The following ZCCHC10 variants were observed in gnomAD, a reference collection of about 807,000 sequenced individuals.
ZCCHC10 encodes the protein zinc finger CCHC-type containing 10.
In ZCCHC10, 16 loss-of-function variants were observed where a neutral mutation model predicts 19.5. That is an observed-to-expected ratio of 0.82 (90% CI 0.56 to 1.25). The LOEUF (loss-of-function observed/expected upper bound fraction) is 1.25, where lower values mean the gene tolerates loss of function less well. Ranked by LOEUF, ZCCHC10 falls within the 50% of genes most tolerant of loss-of-function variation. The pLI, the probability that ZCCHC10 is intolerant of heterozygous loss-of-function variation, is 0.00. For missense variants in ZCCHC10, 197 were observed against 201.0 expected, an observed-to-expected ratio of 0.98 and a Z score of 0.12; for synonymous variants, 67 against 72.5, an observed-to-expected ratio of 0.92 and a Z score of 0.38.
chr5:133,011,883 G>A (rs921734491), intron 2 of ZCCHC10, among the ~76,000 whole-genome samples: 9 of 151,576 alleles, frequency 5.9e-5, no homozygotes, highest in African/African-American at 9.7e-5. Context: ...TAATCCCAGC[G>A]CTCTGGGAGG....
At position 133,026,502 on chromosome 5, in the gene ZCCHC10, T is replaced by C. The variant is rs748584904; in HGVS notation, c.36A>G (p.Arg12=). The C allele has an allele frequency of 1.5e-5, 25 of 1,613,554 alleles. No individual in the cohort carries two copies. In the African/African-American group the frequency reaches 2.8e-4, roughly 18 times the overall value. Residue 12 remains arginine, a synonymous_variant, in exon 1 of 5, where the codon AGA becomes AGG. Coordinates refer to ENST00000509437, the MANE Select transcript of ZCCHC10 (RefSeq NM_001300816.3). ...ATPMHRLIAR[R]QAFDTELQPV... ...CGAACCGGATCCTTACTTACGCTTGTCTCCGGGCTATTAGCCGATGCATGG... is the reference window on the plus strand; with the variant it reads ...CGAACCGGATCCTTACTTACGCTTGCCTCCGGGCTATTAGCCGATGCATGG...
At chr5:133,014,956 T>G (rs1763820818) in intron 2 of ZCCHC10, among the ~76,000 whole-genome samples, 1 of 152,240 alleles carries the variant, frequency 6.6e-6, no homozygotes, top group South Asian at 2.1e-4. Flanking sequence ...ACAGAAGTGA[T>G]GCTGTGTACT....
chr5:133,014,544 T>C (rs1427902204), intron 2 of ZCCHC10, among the ~76,000 whole-genome samples: 1 of 152,238 alleles, frequency 6.6e-6, no homozygotes, highest in South Asian at 2.1e-4. Context: ...AGCACCACAG[T>C]TGCACTTGTC....
intron 2 of ZCCHC10, among the ~76,000 whole-genome samples, chr5:133,021,651 C>T (rs1461923791): frequency 2.0e-5 from 3 of 152,096 alleles, no homozygotes; most frequent in South Asian, 2.1e-4. Context: ...AGGACTAACA[C>T]GTGGATTCAA....
chr5:133,004,726 G>C lies in ZCCHC10; in HGVS notation c.269+2033C>G, dbSNP rs59669921. On this transcript the variant is annotated intron_variant, in intron 3 of 4. Coordinates refer to ENST00000509437, the MANE Select transcript of ZCCHC10 (RefSeq NM_001300816.3). ...AGGAAGATCTCCATCTCCTGACCTC[G>C]TGATCTGCCTGCCTCGGCCTCCCAA... Among the ~76,000 whole-genome samples the C allele has an allele frequency of 7.3e-4, 110 of 151,080 alleles. No individual in the cohort carries two copies. The East Asian group carries it at 0.017, about 24-fold the overall frequency.
intron 2 of ZCCHC10, among the ~76,000 whole-genome samples, chr5:133,017,058 G>A (rs956880677): frequency 3.3e-5 from 5 of 152,138 alleles, no homozygotes; most frequent in African/African-American, 9.7e-5. Flanking sequence ...AAACTGCCTC[G>A]TGTGGATATT....
chr5:133,012,833 A>C (rs964045791), intron 2 of ZCCHC10, among the ~76,000 whole-genome samples: 2 of 151,972 alleles, frequency 1.3e-5, no homozygotes, highest in African/African-American at 2.4e-5. Flanking sequence ...GGCGGATTAC[A>C]AGGTCAGGAG....
intron 4 of ZCCHC10, 22 bp from the exon 5 acceptor site, chr5:132,998,872 T>C (rs1762589749): frequency 6.2e-7 from 1 of 1,601,100 alleles, no homozygotes; most frequent in Admixed American, 1.7e-5. Flanking sequence ...TACAGAGTTA[T>C]ATACATGGGA....
chr5:133,005,978 CTTT>C (rs760600232), intron 3 of ZCCHC10, among the ~76,000 whole-genome samples: 4,899 of 97,552 alleles, frequency 0.05, 113 homozygotes, highest in African/African-American at 0.2. Flanking sequence ...GAAGATGCTG[CTTT>C]TTTTTTTTTT....
In ZCCHC10 at chr5:132,997,800, A is replaced by C. The variant is rs999753097; in HGVS notation, c.*783T>G. On this transcript the variant is annotated 3_prime_UTR_variant, in exon 5 of 5. Transcript: ENST00000509437. ...TTTTATTGCATGTTAATACACAAAG[A>C]TATTTCTAGCACTTCTATTTAAGTT... 8.5e-5 allele frequency: 13 copies of C among 152,140 alleles called. No homozygotes were observed. The highest frequency in any genetic ancestry group is 2.1e-4 in the South Asian group (1 of 4,826). The allele number at this position is 152,140 out of a possible 1,614,324, so 9.4% of individuals were successfully genotyped here.
intron 3 of ZCCHC10, among the ~76,000 whole-genome samples, chr5:133,002,311 A>G (rs1461647280): frequency 4.6e-5 from 7 of 152,030 alleles, no homozygotes; most frequent in Non-Finnish European, 8.8e-5. Context: ...ATATTTTTAG[A>G]CCAAAATACT....
intron 1 of ZCCHC10, 72 bp from the exon 2 acceptor site, chr5:133,022,978 G>A: frequency 2.3e-6 from 1 of 439,122 alleles, no homozygotes; most frequent in Non-Finnish European, 4.1e-6. Context: ...TACAAGGCAG[G>A]GGAGGTCTGA....
intron 2 of ZCCHC10, among the ~76,000 whole-genome samples, chr5:133,012,295 C>T (rs1259970750): frequency 5.3e-5 from 8 of 150,560 alleles, no homozygotes; most frequent in African/African-American, 2.0e-4. Flanking sequence ...CAGTGAAACC[C>T]CATCTTTACT....
At chr5:133,001,953 C>CAT (rs759455367) in intron 3 of ZCCHC10, among the ~76,000 whole-genome samples, 40 of 77,876 alleles carry the variant, frequency 5.1e-4, no homozygotes, top group Admixed American at 1.4e-3. Flanking sequence ...ATTCAGCAAT[C>CAT]TTTTTTTTTT....
intron 3 of ZCCHC10, among the ~76,000 whole-genome samples, chr5:133,004,280 T>C (rs1035334535): frequency 4.6e-5 from 7 of 151,920 alleles, no homozygotes; most frequent in Admixed American, 3.9e-4. Flanking sequence ...GTTCAAGTGA[T>C]TCTCCTGCCT....
In ZCCHC10 at chr5:132,998,504, G is replaced by T; in HGVS notation, c.*79C>A. ...AAATGTTCACCAGTTAACCTACTTG[G>T]CCTTAACATATTCTAAATTCCCTTT... On this transcript the variant is annotated 3_prime_UTR_variant, in exon 5 of 5. Transcript: ENST00000509437. The T allele has an allele frequency of 3.1e-6, 4 of 1,303,918 alleles. No individual in the cohort carries two copies. Among genetic ancestry groups the T allele is most frequent in the Non-Finnish European group, 4.3e-6 (4 of 940,648 alleles). 80.8% of individuals were successfully genotyped at this position (1,303,918 alleles called of 1,614,324 possible).
chr5:133,018,144 CAA>C (rs10602241), intron 2 of ZCCHC10, among the ~76,000 whole-genome samples: 37,159 of 95,908 alleles, frequency 0.39, 5,149 homozygotes, highest in East Asian at 0.47. Flanking sequence ...GAATCTGTCT[CAA>C]AAAAAAAAAA....
At chr5:133,019,630 C>T (rs976932093) in intron 2 of ZCCHC10, among the ~76,000 whole-genome samples, 1 of 152,048 alleles carries the variant, frequency 6.6e-6, no homozygotes, top group Non-Finnish European at 1.5e-5. Flanking sequence ...TTTCAAAGGG[C>T]AACTTGTTAA....
At chr5:133,023,480 T>TTA (rs1764464452) in intron 1 of ZCCHC10, among the ~76,000 whole-genome samples, 1 of 134,422 alleles carries the variant, frequency 7.4e-6, no homozygotes. Context: ...TTTTTTTTTT[T>TTA]AAAGAACGAT....
Sources: allele counts gnomAD v4.1 joint callset (sites outside exome capture counted in the v4.1 genomes callset), GRCh38; gene constraint gnomAD v4.1.1; transcripts MANE v1.5; gene names NCBI Gene and HGNC (gene_info 2026-07-23, HGNC 2026-07-21).